ARHGEF10: variants seen among roughly 807,000 people sequenced by gnomAD.
ARHGEF10 encodes Rho guanine nucleotide exchange factor (GEF) 10.
A neutral mutation model predicts 147.4 loss-of-function variants in ARHGEF10; 140 were observed. That is an observed-to-expected ratio of 0.95 (90% CI 0.83 to 1.09). The LOEUF (loss-of-function observed/expected upper bound fraction) is 1.09, where lower values mean the gene tolerates loss of function less well. ARHGEF10 is among the 50% of genes least tolerant of loss of function. The pLI, the probability that ARHGEF10 is intolerant of heterozygous loss-of-function variation, is 0.00. For synonymous variants in ARHGEF10, 902 were observed against 695.8 expected (o/e 1.30, Z -4.67); for missense variants, 2,222 against 1,752.7 (o/e 1.27, Z -4.78).
At chr8:1,882,937 G>A (rs1008943557) in intron 10 of ARHGEF10, among the ~76,000 whole-genome samples, 188 bp downstream of exon 10, 8 of 152,184 alleles carry the variant, frequency 5.3e-5, no homozygotes, top group East Asian at 1.9e-4. Context: ...CAGGGGTGGC[G>A]TTTTAGACCG....
intron 15 of ARHGEF10, 50 bp from the exon 16 acceptor site, chr8:1,903,230 CA>C (rs1563260668): frequency 1.2e-6 from 2 of 1,605,890 alleles, no homozygotes; most frequent in East Asian, 4.5e-5. Flanking sequence ...ACTGTTGTTG[CA>C]CTGGGAGTGT....
At chr8:1,935,351 G>A (rs980752641) in intron 26 of ARHGEF10, among the ~76,000 whole-genome samples, 1 of 152,114 alleles carries the variant, frequency 6.6e-6, no homozygotes, top group Non-Finnish European at 1.5e-5. Flanking sequence ...TCTTGGTGCC[G>A]TGCTTCTGTG....
At chr8:1,890,118 TTG>T (rs1809342563) in intron 11 of ARHGEF10, among the ~76,000 whole-genome samples, 1 of 134,588 alleles carries the variant, frequency 7.4e-6, no homozygotes, top group Non-Finnish European at 1.6e-5. Flanking sequence ...GCCGTGTGAG[TTG>T]TGAGAAAACG....
intron 25 of ARHGEF10, among the ~76,000 whole-genome samples, chr8:1,930,501 C>G (rs190767838): frequency 1.3e-5 from 2 of 152,130 alleles, no homozygotes; most frequent in Admixed American, 6.5e-5. Flanking sequence ...TCCCCGCCCC[C>G]CCGCTGAAAA....
rs1225021390 is a variant in ARHGEF10, at chr8:1,923,508, T to C, written c.2300T>C (p.Leu767Ser). The C allele has an allele frequency of 6.2e-7, 1 of 1,614,026 alleles. No homozygotes were observed. Among genetic ancestry groups the C allele is most frequent in the African/African-American group, 1.3e-5 (1 of 74,942 alleles). The change falls in exon 20 of 29, where the codon TTA (leucine) becomes TCA (serine). Residue 767 changes from leucine to serine, a missense_variant. Transcript: ENST00000349830. Reference protein sequence around the residue: ...QSVAHDWTSGLQRLILKKEDE... With the variant: ...QSVAHDWTSGSQRLILKKEDE... ...GTAGCCCATGACTGGACATCAGGTT[T>C]ACAAAGGCTTATTTTGAAGAAAGAA...
rs747279075 is a variant in ARHGEF10, at chr8:1,957,114, C to T, written c.3886C>T (p.Arg1296Cys). Residue 1296 changes from arginine (R) to cysteine (C), a missense_variant, in exon 29 of 29, where the codon CGC (arginine) becomes TGC (cysteine). Transcript: ENST00000349830. ...KDPVSLRSKA[R>C]RAKKAKASSA... ...TCCTGTCTCGCTGAGAAGCAAAGCA[C>T]GCCGGGCCAAGAAAGCCAAGGCCAG... 3 of 1,613,116 alleles carry T rather than the reference C, an allele frequency of 1.9e-6. No homozygotes were observed. Among genetic ancestry groups the T allele is most frequent in the South Asian group, 1.1e-5 (1 of 91,084 alleles).
intron 7 of ARHGEF10, among the ~76,000 whole-genome samples, chr8:1,873,516 A>C (rs1370601917): frequency 1.3e-4 from 6 of 47,870 alleles, no homozygotes; most frequent in South Asian, 6.4e-4. Flanking sequence ...CTCGTTTGAG[A>C]GGCGCCCGCG....
chr8:1,919,045 A>C (rs1057333255), intron 18 of ARHGEF10, among the ~76,000 whole-genome samples: 1 of 142,428 alleles, frequency 7.0e-6, no homozygotes, highest in Non-Finnish European at 1.5e-5. Context: ...TCTGTGGGTG[A>C]TGGAGCTGTT....
intron 7 of ARHGEF10, chr8:1,871,185 G>A (rs974878555): frequency 1.3e-5 from 2 of 150,230 alleles, no homozygotes; most frequent in African/African-American, 4.9e-5. Context: ...TTGACTTGAA[G>A]GTCATATACA....
intron 10 of ARHGEF10, among the ~76,000 whole-genome samples, chr8:1,883,652 G>A (rs1653488102): frequency 6.6e-6 from 1 of 152,168 alleles, no homozygotes; most frequent in African/African-American, 2.4e-5. Context: ...GCATCCCCGA[G>A]GGGTTTATTT....
rs748194132 is a variant in ARHGEF10 at position 1,923,448 on chromosome 8, C to T, written c.2260-20C>T. Reference sequence around the variant, plus strand: ...AGTTTTTAAACACTTTTGAAATGTGCGTATTTATTTCCTTTGTAGAACTTA... The same window carrying T: ...AGTTTTTAAACACTTTTGAAATGTGTGTATTTATTTCCTTTGTAGAACTTA... On this transcript the variant is annotated intron_variant, in intron 19 of 28. Coordinates refer to ENST00000349830, the MANE Select transcript of ARHGEF10 (RefSeq NM_014629.4). 36 of 1,613,892 alleles carry T rather than the reference C, an allele frequency of 2.2e-5. No homozygotes were observed. The highest frequency in any genetic ancestry group is 2.9e-5 in the Non-Finnish European group (34 of 1,180,008).
intron 2 of ARHGEF10, 71 bp from the exon 3 acceptor site, chr8:1,857,889 T>TCTATCTAC: frequency 1.9e-6 from 2 of 1,038,068 alleles, no homozygotes; most frequent in Non-Finnish European, 2.9e-6. Flanking sequence ...GATCTATCTA[T>TCTATCTAC]CTATCTATCT....
Position 1,957,049 on chromosome 8 carries a change from A to G in ARHGEF10, c.3821A>G (p.His1274Arg). ...SLSHGSSSLE[H>R]RSEDSTIYDL... is the part of the protein sequence containing the mutation. ...TCTCACGGCTCCAGCTCTCTAGAGC[A>G]CAGATCAGAGGACAGCACCATCTAT... Residue 1274 changes from histidine (H) to arginine (R), a missense_variant, in exon 29 of 29, where the codon CAC becomes CGC. Transcript: ENST00000349830. The G allele has an allele frequency of 6.2e-7, 1 of 1,613,894 alleles. No individual in the cohort carries two copies. Among genetic ancestry groups the G allele is most frequent in the Non-Finnish European group, 8.5e-7 (1 of 1,180,030 alleles).
chr8:1,866,660 C>T (rs568525834), intron 6 of ARHGEF10, 58 bp downstream of exon 6: 26 of 1,507,914 alleles, frequency 1.7e-5, no homozygotes, highest in East Asian at 1.4e-4. Flanking sequence ...GACGTCACTG[C>T]GGCGGGGCCG....
rs369766051 is a variant in ARHGEF10, at chr8:1,923,446, T to A, written c.2260-22T>A. On this transcript the variant is annotated intron_variant, in intron 19 of 28. Coordinates refer to ENST00000349830, the MANE Select transcript of ARHGEF10 (RefSeq NM_014629.4). Reference sequence around the variant, plus strand: ...CTAGTTTTTAAACACTTTTGAAATGTGCGTATTTATTTCCTTTGTAGAACT... The same window carrying A: ...CTAGTTTTTAAACACTTTTGAAATGAGCGTATTTATTTCCTTTGTAGAACT... 51 of 1,614,162 alleles carry A rather than the reference T, an allele frequency of 3.2e-5. No individual in the cohort carries two copies. The African/African-American group carries it at 6.1e-4, about 19-fold the overall frequency.
intron 4 of ARHGEF10, among the ~76,000 whole-genome samples, chr8:1,863,038 C>A (rs1806281035): frequency 6.6e-6 from 1 of 152,100 alleles, no homozygotes; most frequent in African/African-American, 2.4e-5. Flanking sequence ...CCGCCTCAGC[C>A]TCCGAAAGTG....
rs1404347988 is a variant in ARHGEF10, at chr8:1,956,852, G to A, written c.3624G>A (p.Leu1208=). 1 of 1,613,932 alleles carries A rather than the reference G, an allele frequency of 6.2e-7. No homozygotes were observed. The highest frequency in any genetic ancestry group is 1.3e-5 in the African/African-American group (1 of 74,920). Residue 1208 remains leucine (L), a synonymous_variant, in exon 29 of 29, where the codon CTG becomes CTA. Coordinates refer to ENST00000349830, the MANE Select transcript of ARHGEF10 (RefSeq NM_014629.4). The part of the protein sequence containing the change: ...EKDKDKSRDS[L]APGPEPQDED... Reference sequence around the variant, plus strand: ...ACAAGGACAAATCCAGGGACAGCCTGGCTCCTGGCCCCGAGCCTCAGGACG... The same window carrying A: ...ACAAGGACAAATCCAGGGACAGCCTAGCTCCTGGCCCCGAGCCTCAGGACG...
At chr8:1,886,181 A>G (rs1256019677) in intron 11 of ARHGEF10, among the ~76,000 whole-genome samples, 1 of 152,198 alleles carries the variant, frequency 6.6e-6, no homozygotes, top group African/African-American at 2.4e-5. Context: ...GCAGAAGGGA[A>G]AAAATCAGTG....
chr8:1,953,530 T>G (rs1250667981), intron 28 of ARHGEF10, among the ~76,000 whole-genome samples: 4 of 152,260 alleles, frequency 2.6e-5, no homozygotes, highest in African/African-American at 9.6e-5. Context: ...AACATGCTTG[T>G]GTGTCTGGAA....
Sources: gnomAD v4.1 joint callset for allele counts (sites outside exome capture counted in the v4.1 genomes callset) on GRCh38, gnomAD v4.1.1 for gene constraint, MANE v1.5 for transcripts, NCBI Gene and HGNC (gene_info 2026-07-23, HGNC 2026-07-21) for gene names.